The following PRIMA1 variants were observed in gnomAD, a reference collection of about 807,000 sequenced individuals.
The protein encoded by PRIMA1 is proline rich membrane anchor 1, also known as proline-rich membrane anchor 1.
PRIMA1 carries 7 observed loss-of-function variants against 17.5 expected under a neutral mutation model. The ratio of observed to expected loss-of-function variants is 0.40; its 90% confidence interval spans 0.23 to 0.75. The LOEUF (loss-of-function observed/expected upper bound fraction) is 0.75. Among genes scored for constraint, PRIMA1 ranks in the 30% least tolerant of loss-of-function variants. The pLI, the probability that PRIMA1 is intolerant of heterozygous loss-of-function variation, is 0.37. For synonymous variants in PRIMA1, 97 were observed against 77.9 expected (o/e 1.25, Z -1.29); for missense variants, 200 against 201.8 (o/e 0.99, Z 0.05).
intron 3 of PRIMA1, among the ~76,000 whole-genome samples, chr14:93,752,681 G>A (rs1247541908): frequency 6.6e-6 from 1 of 152,152 alleles, no homozygotes; most frequent in African/African-American, 2.4e-5. Flanking sequence ...GGCACACCGA[G>A]ACTTGGGCAG....
intron 4 of PRIMA1, among the ~76,000 whole-genome samples, chr14:93,727,290 G>C (rs1057487437): frequency 6.6e-6 from 1 of 152,224 alleles, no homozygotes; most frequent in Non-Finnish European, 1.5e-5. Flanking sequence ...GTCTGCCGGG[G>C]GAGGGGCTTC....
At chr14:93,770,252 C>G (rs1459898154) in intron 3 of PRIMA1, among the ~76,000 whole-genome samples, 1 of 152,224 alleles carries the variant, frequency 6.6e-6, no homozygotes, top group Non-Finnish European at 1.5e-5. Context: ...TCCTTCCACT[C>G]TCCAGAGTCA....
chr14:93,776,881 G>A (rs1787874934), intron 3 of PRIMA1, among the ~76,000 whole-genome samples: 1 of 152,202 alleles, frequency 6.6e-6, no homozygotes, highest in South Asian at 2.1e-4. Flanking sequence ...CAAATAGAGA[G>A]AAAGTCTCAA....
rs932134811 is a variant in PRIMA1, at chr14:93,719,432, C to G, written c.*2012G>C. ...GGTCCCTTAGCCAGGAACCTCCCCT[C>G]TTAGAGAAGGTGCCCTCTGATCACT... On this transcript the variant is annotated 3_prime_UTR_variant, in exon 5 of 5. Transcript: ENST00000393140. 3.9e-5 allele frequency: 6 copies of G among 152,350 alleles called. No individual in the cohort carries two copies. Among genetic ancestry groups the G allele is most frequent in the Non-Finnish European group, 5.9e-5 (4 of 68,128 alleles). 9.4% of individuals were successfully genotyped at this position (152,350 alleles called of 1,614,324 possible). A position where few individuals can be genotyped will look rare whatever the true frequency, so the allele number is the denominator to read the frequency against.
rs570585098 is a variant in PRIMA1 at position 93,735,748 on chromosome 14, G to A, written c.359+1493C>T. Among the ~76,000 whole-genome samples, 10 of 146,636 alleles carry A rather than the reference G, an allele frequency of 6.8e-5. No individual in the cohort carries two copies. In the South Asian group the frequency reaches 1.7e-3, roughly 25 times the overall value. On this transcript the variant is annotated intron_variant, in intron 4 of 4. Transcript: ENST00000393140. ...GCTCTGTCGCCCAGTCTGGAGTGCAGTGGTGTGCTCTCAGCGCACTGCAAC... is the reference window on the plus strand; with the variant it reads ...GCTCTGTCGCCCAGTCTGGAGTGCAATGGTGTGCTCTCAGCGCACTGCAAC...
intron 3 of PRIMA1, among the ~76,000 whole-genome samples, chr14:93,773,463 G>T (rs1391733263): frequency 6.6e-6 from 1 of 152,242 alleles, no homozygotes; most frequent in African/African-American, 2.4e-5. Flanking sequence ...GACCTACCGA[G>T]TCAGGAATTC....
Position 93,720,490 on chromosome 14 carries a change from C to G in PRIMA1, c.*954G>C, listed in dbSNP as rs1380110533. ...AGGACTCTGGGAGAGGGCCTGAGTA[C>G]AACAGTCAGGCCTCAGGGGACTGTG... On this transcript the variant is annotated 3_prime_UTR_variant, in exon 5 of 5. Coordinates refer to ENST00000393140, the MANE Select transcript of PRIMA1 (RefSeq NM_178013.4). The G allele has an allele frequency of 6.6e-6, 1 of 152,606 alleles. No homozygotes were observed. The highest frequency in any genetic ancestry group is 2.4e-5 in the African/African-American group (1 of 41,456). 9.5% of individuals were successfully genotyped at this position (152,606 alleles called of 1,614,324 possible).
At chr14:93,760,940 A>C in intron 3 of PRIMA1, among the ~76,000 whole-genome samples, 1 of 148,550 alleles carries the variant, frequency 6.7e-6, no homozygotes, top group Non-Finnish European at 1.5e-5. Context: ...TACTACCCCC[A>C]CCCCAATCTA....
chr14:93,728,310 C>T lies in PRIMA1; in HGVS notation c.360-6764G>A, dbSNP rs139194212. Among the ~76,000 whole-genome samples, 499 of 152,258 alleles carry T rather than the reference C, an allele frequency of 3.3e-3. 4 individuals carry two copies. The highest frequency in any genetic ancestry group is 0.011 in the African/African-American group (448 of 41,548). Reference sequence around the variant, plus strand: ...CAGCAAATTAAGAGAGGAACTAAGACGGCAAAGAACCAGGCGTCGAGGGAG... The same window carrying T: ...CAGCAAATTAAGAGAGGAACTAAGATGGCAAAGAACCAGGCGTCGAGGGAG... On this transcript the variant is annotated intron_variant, in intron 4 of 4. Coordinates refer to ENST00000393140, the MANE Select transcript of PRIMA1 (RefSeq NM_178013.4).
rs573611523 is a variant in PRIMA1, at chr14:93,720,076, G to C, written c.*1368C>G. 6.6e-5 allele frequency: 10 copies of C among 152,408 alleles called. No individual in the cohort carries two copies. Among genetic ancestry groups the C allele is most frequent in the African/African-American group, 2.2e-4 (9 of 41,578 alleles). 9.4% of individuals were successfully genotyped at this position (152,408 alleles called of 1,614,324 possible). A position where few individuals can be genotyped will look rare whatever the true frequency, so the allele number is the denominator to read the frequency against. ...CACTGGAGGTTTAGGAGGCAAACCA[G>C]GTCTTAGAGGGCTCGACAGTGGAAC... On this transcript the variant is annotated 3_prime_UTR_variant, in exon 5 of 5. Coordinates refer to ENST00000393140, the MANE Select transcript of PRIMA1 (RefSeq NM_178013.4).
At chr14:93,750,379 C>T (rs1269561600) in intron 3 of PRIMA1, among the ~76,000 whole-genome samples, 1 of 152,168 alleles carries the variant, frequency 6.6e-6, no homozygotes, top group South Asian at 2.1e-4. Context: ...TGCATTCTAG[C>T]CTGGGTGACA....
intron 3 of PRIMA1, among the ~76,000 whole-genome samples, chr14:93,758,440 T>G (rs2076305459): frequency 6.6e-6 from 1 of 151,572 alleles, no homozygotes; most frequent in African/African-American, 2.4e-5. Flanking sequence ...ACAAAAATTA[T>G]TTTTAATTTT....
At chr14:93,735,354 G>T (rs527338553) in intron 4 of PRIMA1, among the ~76,000 whole-genome samples, 66 of 152,360 alleles carry the variant, frequency 4.3e-4, no homozygotes, top group African/African-American at 1.5e-3. Context: ...CTGCGTCGCA[G>T]GGGCTTCCTG....
At chr14:93,745,108 C>T (rs2076208717) in intron 3 of PRIMA1, among the ~76,000 whole-genome samples, 1 of 152,204 alleles carries the variant, frequency 6.6e-6, no homozygotes, top group African/African-American at 2.4e-5. Flanking sequence ...CCCCATACTG[C>T]CTCCTGCATG....
At chr14:93,723,097 C>T (rs927804958) in intron 4 of PRIMA1, among the ~76,000 whole-genome samples, 7 of 152,048 alleles carry the variant, frequency 4.6e-5, no homozygotes, top group Non-Finnish European at 1.0e-4. Context: ...TTCAGGAGGG[C>T]TCTGGCCCCC....
rs564407443 is a variant in PRIMA1, at chr14:93,721,285, A to C, written c.*159T>G. ...CTGGGCCCGCAGGCTGACCAGGGGC[A>C]AGCCTGGGAAGACAATGGTTTCTCC... On this transcript the variant is annotated 3_prime_UTR_variant, in exon 5 of 5. Transcript: ENST00000393140. 1 of 588,204 alleles carries C rather than the reference A, an allele frequency of 1.7e-6. No individual in the cohort carries two copies. The highest frequency in any genetic ancestry group is 3.0e-6 in the Non-Finnish European group (1 of 333,184). 36.4% of individuals were successfully genotyped at this position (588,204 alleles called of 1,614,324 possible). A position where few individuals can be genotyped will look rare whatever the true frequency, so the allele number is the denominator to read the frequency against.
chr14:93,733,427 G>A (rs2076128346), intron 4 of PRIMA1, among the ~76,000 whole-genome samples: 1 of 152,206 alleles, frequency 6.6e-6, no homozygotes, highest in Admixed American at 6.5e-5. Context: ...ACACAGATGT[G>A]AGGGCCCTGC....
At chr14:93,736,270 T>C (rs1200258306) in intron 4 of PRIMA1, among the ~76,000 whole-genome samples, 1 of 152,174 alleles carries the variant, frequency 6.6e-6, no homozygotes, top group Non-Finnish European at 1.5e-5. Context: ...TCTGACTCCA[T>C]TGCTCACCAG....
At chr14:93,777,828 G>A (rs182312547) in intron 3 of PRIMA1, among the ~76,000 whole-genome samples, 3 of 152,336 alleles carry the variant, frequency 2.0e-5, no homozygotes, top group South Asian at 2.1e-4. Flanking sequence ...CTTCTCCTCT[G>A]TCTGACACAG....
Sources: gnomAD v4.1 joint callset for allele counts (sites outside exome capture counted in the v4.1 genomes callset) on GRCh38, gnomAD v4.1.1 for gene constraint, MANE v1.5 for transcripts, NCBI Gene and HGNC (gene_info 2026-07-23, HGNC 2026-07-21) for gene names.